Variants in KIZ observed in about 807,000 individuals in gnomAD.
KIZ encodes the protein kizuna centrosomal protein.
A neutral mutation model predicts 79.6 loss-of-function variants in KIZ; 68 were observed. That is an observed-to-expected ratio of 0.85 (90% CI 0.70 to 1.05). The LOEUF is 1.05. Ranked by LOEUF, KIZ falls within the 50% of genes least tolerant of loss-of-function variation. KIZ has a pLI of 0.00. For synonymous variants in KIZ, 280 were observed against 281.8 expected, an observed-to-expected ratio of 0.99 and a Z score of 0.06; for missense variants, 797 against 800.4, an observed-to-expected ratio of 1.00 and a Z score of 0.05.
chr20:21,220,320 T>C (rs942771501), intron 9 of KIZ, among the ~76,000 whole-genome samples: 1 of 152,020 alleles, frequency 6.6e-6, no homozygotes, highest in Non-Finnish European at 1.5e-5. Flanking sequence ...TAAACATTAG[T>C]ACTCACCCTA....
At position 21,220,539 on chromosome 20, in the gene KIZ, G is replaced by A. The variant is rs567126161; in HGVS notation, c.1678+4891G>A. ...CACTCCATCACCCAGGCTGGAGTGC[G>A]GTGGCACGATCTTGGCTCAGTGCAA... On this transcript the variant is annotated intron_variant, in intron 9 of 12. Transcript: ENST00000619189. Among the ~76,000 whole-genome samples, 578 of 151,812 alleles carry A rather than the reference G, an allele frequency of 3.8e-3. 1 individual carries two copies. Among genetic ancestry groups the A allele is most frequent in the Middle Eastern group, 0.014 (4 of 292 alleles).
chr20:21,207,669 T>G (rs1321845768), intron 7 of KIZ, among the ~76,000 whole-genome samples: 1 of 151,958 alleles, frequency 6.6e-6, no homozygotes, highest in African/African-American at 2.4e-5. Flanking sequence ...AAAGATAACC[T>G]AGATCTATTC....
intron 7 of KIZ, among the ~76,000 whole-genome samples, chr20:21,206,090 A>G (rs1214833453): frequency 6.6e-6 from 1 of 152,208 alleles, no homozygotes; most frequent in East Asian, 1.9e-4. Flanking sequence ...GGCCTTTTGC[A>G]TAATGTTTTA....
chr20:21,208,474 T>C (rs1267715103), intron 7 of KIZ, among the ~76,000 whole-genome samples: 2 of 152,160 alleles, frequency 1.3e-5, no homozygotes, highest in Middle Eastern at 6.8e-3. Flanking sequence ...GAGGCCGAGG[T>C]GGGCGGATCA....
chr20:21,137,779 C>T (rs900286895), intron 3 of KIZ, among the ~76,000 whole-genome samples: 1 of 152,006 alleles, frequency 6.6e-6, no homozygotes, highest in African/African-American at 2.4e-5. Flanking sequence ...AAAAATGATT[C>T]CACAATTTGC....
chr20:21,246,245 G>A lies in KIZ; in HGVS notation c.1925-234G>A, dbSNP rs2037382400. 2.5e-5 allele frequency: 13 copies of A among 514,366 alleles called. 1 individual carries two copies. In the South Asian group the frequency reaches 3.6e-4, roughly 14 times the overall value. The allele number at this position is 514,366 out of a possible 1,614,324, so 31.9% of individuals were successfully genotyped here. A position where few individuals can be genotyped will look rare whatever the true frequency, so the allele number is the denominator to read the frequency against. ...AGTTGGGCACAACAGAAGGGAAAAG[G>A]AAGTATTCTGCAAATTGTTTTCCAT... On this transcript the variant is annotated intron_variant, in intron 12 of 12. Coordinates refer to ENST00000619189, the MANE Select transcript of KIZ (RefSeq NM_018474.6).
At chr20:21,211,232 T>C (rs2036055190) in intron 7 of KIZ, among the ~76,000 whole-genome samples, 1 of 152,222 alleles carries the variant, frequency 6.6e-6, no homozygotes, top group Non-Finnish European at 1.5e-5. Context: ...ACTGGGCTAA[T>C]AAAGGAATAG....
intron 6 of KIZ, chr20:21,195,161 T>C: frequency 6.6e-6 from 1 of 152,136 alleles, no homozygotes; most frequent in Non-Finnish European, 1.5e-5. Flanking sequence ...TAGAGGGTGA[T>C]GAGATGAGCT....
chr20:21,197,370 C>T (rs917099251), intron 6 of KIZ: 3 of 152,184 alleles, frequency 2.0e-5, no homozygotes, highest in African/African-American at 7.2e-5. Context: ...AACTAATAGT[C>T]ATTTTTCTAC....
intron 4 of KIZ, among the ~76,000 whole-genome samples, chr20:21,160,552 G>A (rs533656590): frequency 1.9e-4 from 29 of 152,234 alleles, no homozygotes; most frequent in Middle Eastern, 3.4e-3. Flanking sequence ...CCCAGAACCT[G>A]TAAGTGATAA....
At chr20:21,194,290 A>G (rs1373215701) in intron 6 of KIZ, 1 of 152,222 alleles carries the variant, frequency 6.6e-6, no homozygotes, top group Non-Finnish European at 1.5e-5. Context: ...TGGTAGGGCT[A>G]GCATGTTGGT....
intron 9 of KIZ, chr20:21,218,321 C>T (rs911719504): frequency 2.0e-5 from 3 of 152,074 alleles, no homozygotes; most frequent in African/African-American, 7.2e-5. Context: ...CTTAGTAACC[C>T]TATGTGCTCA....
intron 6 of KIZ, among the ~76,000 whole-genome samples, chr20:21,184,563 G>A (rs1347845221): frequency 6.6e-6 from 1 of 152,158 alleles, no homozygotes; most frequent in Non-Finnish European, 1.5e-5. Context: ...TTGAAGAATA[G>A]CAGTTGAGCT....
chr20:21,207,726 C>T (rs57758422), intron 7 of KIZ, among the ~76,000 whole-genome samples: 3,138 of 151,294 alleles, frequency 0.021, 94 homozygotes, highest in African/African-American at 0.067. Flanking sequence ...TTTTTCGAGA[C>T]GGAGTCTTGT....
intron 4 of KIZ, among the ~76,000 whole-genome samples, chr20:21,145,888 G>A (rs1168852490): frequency 6.6e-6 from 1 of 152,188 alleles, no homozygotes; most frequent in East Asian, 1.9e-4. Flanking sequence ...AAACCTCAGT[G>A]TTGTCAGTAG....
intron 1 of KIZ, among the ~76,000 whole-genome samples, chr20:21,127,405 T>G (rs1454072694): frequency 6.6e-6 from 1 of 152,236 alleles, no homozygotes. Flanking sequence ...TTTGAACTAT[T>G]AATTGTAAGT....
At position 21,232,825 on chromosome 20, in the gene KIZ, G is replaced by T. The variant is rs776914590; in HGVS notation, c.1875G>T (p.Leu625Phe). 4.7e-6 allele frequency: 7 copies of T among 1,487,126 alleles called. No homozygotes were observed. The South Asian group carries it at 7.1e-5, about 15-fold the overall frequency. 92.1% of individuals were successfully genotyped at this position (1,487,126 alleles called of 1,614,324 possible). A position where few individuals can be genotyped will look rare whatever the true frequency, so the allele number is the denominator to read the frequency against. The change falls in exon 11 of 13, where the codon TTG becomes TTT. Residue 625 changes from leucine (L) to phenylalanine (F), a missense_variant. Leu to Phe is a conservative substitution (Grantham distance 22, BLOSUM62 0). Coordinates refer to ENST00000619189, the MANE Select transcript of KIZ (RefSeq NM_018474.6). ...ASFSSSEGSPLSRHENKKKPV... is the reference protein window; with the variant it reads ...ASFSSSEGSPFSRHENKKKPV... ...TTTCATCTAGTGAAGGAAGTCCTTTGTCAAGGTAAAGTTGTGAAAGCCTTT... is the reference window on the plus strand; with the variant it reads ...TTTCATCTAGTGAAGGAAGTCCTTTTTCAAGGTAAAGTTGTGAAAGCCTTT...
intron 6 of KIZ, among the ~76,000 whole-genome samples, chr20:21,182,924 G>A (rs2034720751): frequency 6.6e-6 from 1 of 152,076 alleles, no homozygotes; most frequent in African/African-American, 2.4e-5. Flanking sequence ...AGCAGGCTGT[G>A]GCTGGATTTG....
intron 6 of KIZ, among the ~76,000 whole-genome samples, chr20:21,180,010 C>T (rs2034586620): frequency 6.6e-6 from 1 of 152,184 alleles, no homozygotes; most frequent in Non-Finnish European, 1.5e-5. Context: ...TTTGCCAGCA[C>T]TTGAGAAGAA....
Sources: allele counts gnomAD v4.1 joint callset (sites outside exome capture counted in the v4.1 genomes callset), GRCh38; gene constraint gnomAD v4.1.1; transcripts MANE v1.5; gene names NCBI Gene and HGNC (gene_info 2026-07-23, HGNC 2026-07-21).